The following MAP6 variants were observed in gnomAD, a reference collection of about 807,000 sequenced individuals.
MAP6 encodes the protein microtubule associated protein 6.
MAP6 carries 26 observed loss-of-function variants against 42.4 expected under a neutral mutation model. The ratio of observed to expected loss-of-function variants is 0.61; its 90% CI spans 0.45 to 0.85. The LOEUF (loss-of-function observed/expected upper bound fraction) is 0.85. MAP6 is among the 40% of genes least tolerant of loss of function. The pLI is 0.00. For synonymous variants in MAP6, 418 were observed against 443.8 expected (o/e 0.94, Z 0.73); for missense variants, 966 against 1,099.0 (o/e 0.88, Z 1.71).
Position 75,604,367 on chromosome 11 carries a change from G to A in MAP6, c.1316+1441C>T, listed in dbSNP as rs1942719191. 8 of 985,266 alleles carry A rather than the reference G, an allele frequency of 8.1e-6. 1 individual carries two copies. The South Asian group carries it at 3.8e-4, about 46-fold the overall frequency. The allele number at this position is 985,266 out of a possible 1,614,324, so 61.0% of individuals were successfully genotyped here. A position where few individuals can be genotyped will look rare whatever the true frequency, so the allele number is the denominator to read the frequency against. On this transcript the variant is annotated intron_variant, in intron 3 of 3. Transcript: ENST00000304771. ...TCCTCCAAACCAGAAGGACCTAAAG[G>A]GACTTTGAGGTAAGGAACTGTGAGA... is the stretch of plus-strand genomic sequence containing the variant.
intron 1 of MAP6, among the ~76,000 whole-genome samples, chr11:75,650,406 C>T (rs761909269): frequency 6.6e-6 from 1 of 152,176 alleles, no homozygotes; most frequent in Non-Finnish European, 1.5e-5. Flanking sequence ...TTGTACTTTC[C>T]CTGCCAAGCA....
intron 3 of MAP6, among the ~76,000 whole-genome samples, chr11:75,597,950 C>T (rs1942610502): frequency 1.3e-5 from 2 of 152,230 alleles, no homozygotes; most frequent in African/African-American, 4.8e-5. Flanking sequence ...GTCAGCAAAA[C>T]TACCCATAAC....
intron 2 of MAP6, chr11:75,607,279 G>C: frequency 1.0e-6 from 1 of 985,466 alleles, no homozygotes; most frequent in Non-Finnish European, 1.2e-6. Context: ...GACAAAAGCA[G>C]AGAAAAGGAT....
rs1007992915 is a variant in MAP6, at chr11:75,667,414, G to A, written c.905+51C>T. The A allele has an allele frequency of 2.0e-5, 27 of 1,382,984 alleles. No individual in the cohort carries two copies. Among genetic ancestry groups the A allele is most frequent in the Admixed American group, 6.3e-5 (2 of 31,654 alleles). The allele number at this position is 1,382,984 out of a possible 1,614,324, so 85.7% of individuals were successfully genotyped here. On this transcript the variant is annotated intron_variant, in intron 1 of 3. Coordinates refer to ENST00000304771, the MANE Select transcript of MAP6 (RefSeq NM_033063.2). The surrounding 1 kb of genome is among the most constrained non-coding windows in gnomAD (Gnocchi z 5.6). ...GGATCCTGGGCCCCGGGCAGCCCGCGGGGAGGGTCTGCGTGGTGACTCCCC... is the reference window on the plus strand; with the variant it reads ...GGATCCTGGGCCCCGGGCAGCCCGCAGGGAGGGTCTGCGTGGTGACTCCCC...
At chr11:75,626,505 G>A (rs1943198277) in intron 1 of MAP6, among the ~76,000 whole-genome samples, 1 of 152,184 alleles carries the variant, frequency 6.6e-6, no homozygotes, top group Non-Finnish European at 1.5e-5. Context: ...ATAAGAGGCT[G>A]GGATAGGGAG....
At chr11:75,638,637 T>A (rs929332948) in intron 1 of MAP6, 5 of 152,192 alleles carry the variant, frequency 3.3e-5, no homozygotes, top group African/African-American at 7.2e-5. Context: ...GGTTATTTAC[T>A]GAAGAGTCAA....
chr11:75,642,910 T>C (rs921367211), intron 1 of MAP6: 4 of 492,550 alleles, frequency 8.1e-6, no homozygotes, highest in Admixed American at 7.8e-5. Flanking sequence ...ATTTCAATGA[T>C]TAGTCAGCAC....
intron 1 of MAP6, among the ~76,000 whole-genome samples, chr11:75,665,397 C>G (rs1397491263): frequency 1.3e-5 from 2 of 152,220 alleles, no homozygotes; most frequent in Non-Finnish European, 2.9e-5. Flanking sequence ...AACTTGAAAT[C>G]ATAAACTGAG....
chr11:75,598,723 T>C (rs1393181732), intron 3 of MAP6, among the ~76,000 whole-genome samples: 5 of 152,224 alleles, frequency 3.3e-5, no homozygotes, highest in Non-Finnish European at 5.9e-5. Context: ...TAGAAGACAC[T>C]GTCTATGGTA....
In MAP6 at chr11:75,667,933, G is replaced by C. The variant is rs748600606; in HGVS notation, c.437C>G (p.Ser146Cys). 9 of 1,384,560 alleles carry C rather than the reference G, an allele frequency of 6.5e-6. No individual in the cohort carries two copies. In the Admixed American group the frequency reaches 1.3e-4, roughly 21 times the overall value. The allele number at this position is 1,384,560 out of a possible 1,614,324, so 85.8% of individuals were successfully genotyped here. ...SCRPRSEYQP[S>C]DAPFERETQY... The stretch of plus-strand genomic sequence containing the variant: ...GGTCTCGCGCTCGAAGGGAGCGTCG[G>C]AGGGCTGGTATTCGCTGCGCGGCCG... Residue 146 changes from serine (S) to cysteine (C), a missense_variant, in exon 1 of 4, where the codon TCC (serine) becomes TGC (cysteine). Physicochemically the swap from Ser to Cys is moderately radical, Grantham distance 112 (BLOSUM62 -1). Coordinates refer to ENST00000304771, the MANE Select transcript of MAP6 (RefSeq NM_033063.2). The surrounding 1 kb of genome is among the most constrained non-coding windows in gnomAD (Gnocchi z 5.6).
At chr11:75,666,030 A>G (rs1943940152) in intron 1 of MAP6, among the ~76,000 whole-genome samples, 2 of 152,198 alleles carry the variant, frequency 1.3e-5, no homozygotes, top group African/African-American at 2.4e-5. Context: ...CTGGAGAAGG[A>G]TATTAGTCTA....
intron 1 of MAP6, among the ~76,000 whole-genome samples, chr11:75,623,510 A>G (rs1401388269): frequency 2.0e-5 from 3 of 152,172 alleles, no homozygotes; most frequent in African/African-American, 7.2e-5. Flanking sequence ...CAAGGAGGTG[A>G]TCCCTGCCTC....
At position 75,667,533 on chromosome 11, in the gene MAP6, G is replaced by C; in HGVS notation, c.837C>G (p.Arg279=). 1 of 1,494,886 alleles carries C rather than the reference G, an allele frequency of 6.7e-7. No individual in the cohort carries two copies. The highest frequency in any genetic ancestry group is 2.9e-5 in the East Asian group (1 of 34,712). The allele number at this position is 1,494,886 out of a possible 1,614,324, so 92.6% of individuals were successfully genotyped here. The change falls in exon 1 of 4, where the codon CGC becomes CGG. Residue 279 remains arginine (R), a synonymous_variant. Transcript: ENST00000304771. This position sits in a 1 kb window ranked among gnomAD's most constrained non-coding sequence, Gnocchi z 5.6. ...QATGPEAGRG[R]AAADALNRQI... ...GCCGGTTGAGGGCGTCCGCCGCGGC[G>C]CGCCCCCTGCCAGCCTCGGGGCCGG... is the stretch of plus-strand genomic sequence containing the variant.
chr11:75,601,446 T>C (rs1033273166), intron 3 of MAP6, among the ~76,000 whole-genome samples: 2 of 152,088 alleles, frequency 1.3e-5, no homozygotes, highest in Non-Finnish European at 2.9e-5. Flanking sequence ...GACAGGTGGG[T>C]GGGATGTTTT....
At chr11:75,661,087 A>G (rs1422226681) in intron 1 of MAP6, among the ~76,000 whole-genome samples, 3 of 152,124 alleles carry the variant, frequency 2.0e-5, no homozygotes, top group Non-Finnish European at 4.4e-5. Flanking sequence ...ATTTTATGTC[A>G]ATAAATTATA....
At chr11:75,627,136 T>A (rs1943211209) in intron 1 of MAP6, among the ~76,000 whole-genome samples, 1 of 152,256 alleles carries the variant, frequency 6.6e-6, no homozygotes, top group South Asian at 2.1e-4. Flanking sequence ...CATCCCTCTG[T>A]GAGATTCAAA....
At chr11:75,657,796 G>C (rs1401441365) in intron 1 of MAP6, among the ~76,000 whole-genome samples, 1 of 152,130 alleles carries the variant, frequency 6.6e-6, no homozygotes, top group Non-Finnish European at 1.5e-5. Context: ...TCAAGTCTTG[G>C]TCACACTGCA....
chr11:75,668,026 C>T lies in MAP6; in HGVS notation c.344G>A (p.Gly115Asp). The change falls in exon 1 of 4, where the codon GGC becomes GAC. Residue 115 changes from glycine (G) to aspartate (D), a missense_variant. Physicochemically the swap from Gly to Asp is moderately conservative, Grantham distance 94. This residue lies in a region of MAP6 where 943 missense variants were observed against 1,049.9 expected (regional missense o/e 0.90). Coordinates refer to ENST00000304771, the MANE Select transcript of MAP6 (RefSeq NM_033063.2). Reference sequence around the variant, plus strand: ...CTGCCGCATCACCGAGTCCGCGGGGCCGGAGGTGGAGCCGGAGCCCAGGCC... The same window carrying T: ...CTGCCGCATCACCGAGTCCGCGGGGTCGGAGGTGGAGCCGGAGCCCAGGCC... ...GPGLGSGSTSGPADSVMRQDY... is the reference protein window; with the variant it reads ...GPGLGSGSTSDPADSVMRQDY... 4.1e-6 allele frequency: 5 copies of T among 1,233,470 alleles called. No individual in the cohort carries two copies. The highest frequency in any genetic ancestry group is 5.1e-6 in the Non-Finnish European group (5 of 988,428). The allele number at this position is 1,233,470 out of a possible 1,614,324, so 76.4% of individuals were successfully genotyped here. A position where few individuals can be genotyped will look rare whatever the true frequency, so the allele number is the denominator to read the frequency against.
chr11:75,607,153 A>G, intron 2 of MAP6: 1 of 879,996 alleles, frequency 1.1e-6, no homozygotes, highest in Non-Finnish European at 1.4e-6. Flanking sequence ...TTCCTGGAAC[A>G]CAGAACTTTC....
Sources: gnomAD v4.1 joint callset for allele counts (sites outside exome capture counted in the v4.1 genomes callset) on GRCh38, gnomAD v4.1.1 for gene constraint, gnomAD v4.1.1 regional missense constraint, Gnocchi (gnomAD v3.1) non-coding constraint, MANE v1.5 for transcripts, NCBI Gene and HGNC (gene_info 2026-07-23, HGNC 2026-07-21) for gene names.